Variants in PRICKLE2 observed in about 807,000 individuals in gnomAD.
PRICKLE2 encodes the protein prickle planar cell polarity protein 2, also known as prickle-like protein 2.
A neutral mutation model predicts 81.4 loss-of-function variants in PRICKLE2; 21 were observed. The observed-to-expected ratio is 0.26, with a 90% confidence interval of 0.18 to 0.37. The LOEUF (loss-of-function observed/expected upper bound fraction) is 0.37. Among genes scored for constraint, PRICKLE2 ranks in the 10% least tolerant of loss-of-function variants. The pLI is 1.00. For synonymous variants in PRICKLE2, 456 were observed against 421.5 expected (o/e 1.08, Z -1.00); for missense variants, 940 against 1,109.0 (o/e 0.85, Z 2.16).
At chr3:64,242,906 T>C (rs900371619) in intron 2 of PRICKLE2, among the ~76,000 whole-genome samples, 22 of 152,220 alleles carry the variant, frequency 1.4e-4, no homozygotes, top group African/African-American at 4.3e-4. Context: ...GATAACTATT[T>C]ACTGAGCACT....
intron 2 of PRICKLE2, among the ~76,000 whole-genome samples, chr3:64,176,579 A>G (rs1219970732): frequency 6.6e-6 from 1 of 152,228 alleles, no homozygotes; most frequent in Non-Finnish European, 1.5e-5. Flanking sequence ...CCAAAGAAAG[A>G]ATTCTTTTTG....
rs2079098429 is a variant in PRICKLE2 at position 64,231,379 on chromosome 3, G to C, written c.129-32412C>G. ...TGTGCTAGCAAATGGTTTTTCCTTAGACAAAGAAAGCTGCACTTATAATGG... is the reference window on the plus strand; with the variant it reads ...TGTGCTAGCAAATGGTTTTTCCTTACACAAAGAAAGCTGCACTTATAATGG... On this transcript the variant is annotated intron_variant, in intron 2 of 8. Coordinates refer to the PRICKLE2 transcript ENST00000295902. Among the ~76,000 whole-genome samples, 4 of 152,268 alleles carry C rather than the reference G, an allele frequency of 2.6e-5. No homozygotes were observed. The South Asian group carries it at 8.3e-4, about 32-fold the overall frequency.
At chr3:64,262,117 C>A (rs1404790517) in intron 2 of PRICKLE2, among the ~76,000 whole-genome samples, 2 of 152,172 alleles carry the variant, frequency 1.3e-5, no homozygotes, top group African/African-American at 4.8e-5. Flanking sequence ...ATGTAACGCA[C>A]ACTCTATCAA....
At chr3:64,195,313 T>C (rs961060532) in intron 2 of PRICKLE2, among the ~76,000 whole-genome samples, 8 of 152,230 alleles carry the variant, frequency 5.3e-5, no homozygotes, top group Non-Finnish European at 5.9e-5. Context: ...TGAAATTAAA[T>C]GTCCGTATTC....
chr3:64,133,999 G>A (rs1027823207), intron 7 of PRICKLE2, among the ~76,000 whole-genome samples: 1 of 152,202 alleles, frequency 6.6e-6, no homozygotes, highest in African/African-American at 2.4e-5. Flanking sequence ...GAGTTAAGAG[G>A]AAGGTGGCAG....
chr3:64,170,063 G>A (rs752936068), intron 2 of PRICKLE2, among the ~76,000 whole-genome samples: 5 of 152,108 alleles, frequency 3.3e-5, no homozygotes, highest in Non-Finnish European at 7.3e-5. Context: ...CCAAGCAATA[G>A]GAGAAAAGTG....
At chr3:64,216,008 G>A (rs558724933) in intron 1 of PRICKLE2, among the ~76,000 whole-genome samples, 1 of 152,298 alleles carries the variant, frequency 6.6e-6, no homozygotes, top group Non-Finnish European at 1.5e-5. Context: ...GACCACGACC[G>A]TCAATTTACT....
intron 2 of PRICKLE2, among the ~76,000 whole-genome samples, chr3:64,233,134 TCTA>T (rs2079130242): frequency 6.6e-6 from 1 of 152,174 alleles, no homozygotes; most frequent in Non-Finnish European, 1.5e-5. Context: ...TCCCGTTAGC[TCTA>T]CTGTCAAAAT....
At chr3:64,114,315 T>A (rs1162634191) in intron 7 of PRICKLE2, among the ~76,000 whole-genome samples, 1 of 152,182 alleles carries the variant, frequency 6.6e-6, no homozygotes, top group African/African-American at 2.4e-5. Flanking sequence ...CAGAGTGCCT[T>A]CTTTCCTCCA....
At chr3:64,262,094 A>T (rs1318469535) in intron 2 of PRICKLE2, among the ~76,000 whole-genome samples, 1 of 152,148 alleles carries the variant, frequency 6.6e-6, no homozygotes, top group Non-Finnish European at 1.5e-5. Context: ...AATTTTGAAA[A>T]ATGCCTATAT....
At chr3:64,214,097 A>C (rs1485169801) in intron 1 of PRICKLE2, among the ~76,000 whole-genome samples, 2 of 152,324 alleles carry the variant, frequency 1.3e-5, no homozygotes, top group Middle Eastern at 3.4e-3. Context: ...AGAGAACCAC[A>C]GAAATTCAGC....
At chr3:64,243,940 G>C (rs779383773) in intron 2 of PRICKLE2, among the ~76,000 whole-genome samples, 13 of 152,210 alleles carry the variant, frequency 8.5e-5, no homozygotes, top group South Asian at 2.1e-4. Context: ...TGTTATTTCT[G>C]TACTACCCAT....
At chr3:64,181,324 A>G (rs1418913283) in intron 2 of PRICKLE2, among the ~76,000 whole-genome samples, 2 of 152,112 alleles carry the variant, frequency 1.3e-5, no homozygotes, top group Non-Finnish European at 2.9e-5. Context: ...CTCAGACCCA[A>G]AAAAGCAGTT....
chr3:64,261,199 T>C (rs1357682040), intron 2 of PRICKLE2, among the ~76,000 whole-genome samples: 3 of 152,206 alleles, frequency 2.0e-5, no homozygotes, highest in African/African-American at 2.4e-5. Flanking sequence ...CTTAGCAGCA[T>C]TGGGAAGCAC....
At chr3:64,228,045 T>C (rs2079053488), upstream of PRICKLE2, among the ~76,000 whole-genome samples, 1 of 152,104 alleles carries the variant, frequency 6.6e-6, no homozygotes, top group South Asian at 2.1e-4. Flanking sequence ...GGAGTAAAAA[T>C]GACCAAGAGG....
At chr3:64,122,885 G>C (rs1397389158) in intron 7 of PRICKLE2, among the ~76,000 whole-genome samples, 1 of 152,182 alleles carries the variant, frequency 6.6e-6, no homozygotes, top group African/African-American at 2.4e-5. Flanking sequence ...AAACCCAACA[G>C]GATGCTAGAG....
At chr3:64,204,797 T>G (rs1400172903) in intron 1 of PRICKLE2, among the ~76,000 whole-genome samples, 1 of 152,150 alleles carries the variant, frequency 6.6e-6, no homozygotes, top group Non-Finnish European at 1.5e-5. Flanking sequence ...AGTGATTCCA[T>G]GACAACCTTT....
intron 7 of PRICKLE2, among the ~76,000 whole-genome samples, chr3:64,123,722 T>C (rs1216757590): frequency 6.6e-6 from 1 of 152,238 alleles, no homozygotes; most frequent in East Asian, 1.9e-4. Flanking sequence ...TGTAATTGTT[T>C]TGGGATATCA....
chr3:64,182,140 G>A (rs1022262618), intron 2 of PRICKLE2, among the ~76,000 whole-genome samples: 3 of 152,086 alleles, frequency 2.0e-5, no homozygotes, highest in Non-Finnish European at 4.4e-5. Context: ...ACAGTGTTGG[G>A]AGATGGGACC....
Sources: allele counts gnomAD v4.1 joint callset (sites outside exome capture counted in the v4.1 genomes callset), GRCh38; gene constraint gnomAD v4.1.1; transcripts MANE v1.5; gene names NCBI Gene and HGNC (gene_info 2026-07-23, HGNC 2026-07-21).